Variants in PRLR observed in about 807,000 individuals in gnomAD.
The protein encoded by PRLR is hPRL receptor.
A neutral mutation model predicts 40.2 loss-of-function variants in PRLR; 13 were observed. The ratio of observed to expected loss-of-function variants is 0.32; its 90% CI spans 0.21 to 0.51. PRLR has a LOEUF of 0.51. Ranked by LOEUF, PRLR falls within the 20% of genes least tolerant of loss-of-function variation. The probability of loss-of-function intolerance (pLI) is 0.97; values close to 1 mark genes in which losing one functional copy is unlikely to be tolerated. For missense variants in PRLR, 656 were observed against 747.3 expected (o/e 0.88, Z 1.42); for synonymous variants, 269 against 278.7 (o/e 0.97, Z 0.35).
chr5:35,207,464 A>T (rs1357969407), intron 1 of PRLR, among the ~76,000 whole-genome samples: 1 of 152,178 alleles, frequency 6.6e-6, no homozygotes, highest in Non-Finnish European at 1.5e-5. Context: ...CAGGACCTAT[A>T]TGAGTAAGAC....
chr5:35,203,848 T>C (rs1775941292), intron 1 of PRLR, among the ~76,000 whole-genome samples: 1 of 151,386 alleles, frequency 6.6e-6, no homozygotes, highest in South Asian at 2.1e-4. Context: ...ACTAAATATT[T>C]AGGTAGTTGA....
chr5:35,096,275 C>T (rs1383960232), intron 2 of PRLR, among the ~76,000 whole-genome samples: 1 of 152,238 alleles, frequency 6.6e-6, no homozygotes, highest in Non-Finnish European at 1.5e-5. Context: ...ATCACATTAA[C>T]TCCACTCACT....
rs1769076436 is a variant in PRLR at position 35,062,173 on chromosome 5, G to A, written c.*2916C>T. ...TTACTTTGTATTTCTATGATGAAGA[G>A]CAATTTTTTGTTAGATTAGGATAGA... On this transcript the variant is annotated 3_prime_UTR_variant, in exon 10 of 10. Transcript: ENST00000618457. 1 of 152,146 alleles carries A rather than the reference G, an allele frequency of 6.6e-6. No individual in the cohort carries two copies. The highest frequency in any genetic ancestry group is 1.5e-5 in the Non-Finnish European group (1 of 68,040). 9.4% of individuals were successfully genotyped at this position (152,146 alleles called of 1,614,324 possible). A position where few individuals can be genotyped will look rare whatever the true frequency, so the allele number is the denominator to read the frequency against.
intron 1 of PRLR, among the ~76,000 whole-genome samples, chr5:35,145,459 ATCTT>A (rs1411109364): frequency 1.3e-5 from 2 of 152,088 alleles, no homozygotes; most frequent in African/African-American, 4.8e-5. Flanking sequence ...GATTGGATGA[ATCTT>A]TGGAGGTTGC....
chr5:35,096,889 G>A (rs1771568355), intron 2 of PRLR, among the ~76,000 whole-genome samples: 1 of 152,098 alleles, frequency 6.6e-6, no homozygotes, highest in Admixed American at 6.5e-5. Context: ...CAAAGTGCTG[G>A]GATTACAGGC....
At chr5:35,229,093 T>C (rs2111701819) in intron 1 of PRLR, among the ~76,000 whole-genome samples, 1 of 149,124 alleles carries the variant, frequency 6.7e-6, no homozygotes, top group Admixed American at 6.7e-5. Context: ...CACTTCCACC[T>C]CATTAAACAT....
At chr5:35,074,690 A>G (rs1265489840) in intron 5 of PRLR, among the ~76,000 whole-genome samples, 1 of 152,048 alleles carries the variant, frequency 6.6e-6, no homozygotes. Context: ...TAAAATTGTA[A>G]TAAACTAATG....
chr5:35,065,569 T>A lies in PRLR; in HGVS notation c.1389A>T (p.Gln463His). 6.2e-7 allele frequency: 1 copy of A among 1,614,044 alleles called. No individual in the cohort carries two copies. The highest frequency in any genetic ancestry group is 1.6e-4 in the Middle Eastern group (1 of 6,062). Reference sequence around the variant, plus strand: ...TTCCCTCTTCTCTAGACTTAATGGTTTGAGAGGATTTTAAAGCATCTTTAC... The same window carrying A: ...TTCCCTCTTCTCTAGACTTAATGGTATGAGAGGATTTTAAAGCATCTTTAC... ...EAGKDALKSS[Q>H]TIKSREEGKA... The change falls in exon 10 of 10, where the codon CAA (glutamine) becomes CAT (histidine). Residue 463 changes from glutamine (Q) to histidine (H), a missense_variant. Physicochemically the swap from Gln to His is conservative, Grantham distance 24 (BLOSUM62 0). Coordinates refer to ENST00000618457, the MANE Select transcript of PRLR (RefSeq NM_000949.7).
intron 2 of PRLR, among the ~76,000 whole-genome samples, chr5:35,094,825 T>C (rs62355481): frequency 1.6e-5 from 2 of 128,288 alleles, no homozygotes; most frequent in Admixed American, 8.0e-5. Context: ...GGAGTTGGGC[T>C]TTTTTTTTTT....
chr5:35,146,426 C>T lies in PRLR; in HGVS notation c.-105-28304G>A, dbSNP rs1482403293. Among the ~76,000 whole-genome samples, 6 of 152,184 alleles carry T rather than the reference C, an allele frequency of 3.9e-5. No individual in the cohort carries two copies. In the East Asian group the frequency reaches 5.8e-4, roughly 15 times the overall value. ...ATCACACTGGAGATTAAGTTCCTCT[C>T]GTAAAGGCCTTTACATTTTTGAGAC... On this transcript the variant is annotated intron_variant, in intron 1 of 9. Transcript: ENST00000618457.
chr5:35,052,637 A>T (rs867080526), downstream of PRLR, among the ~76,000 whole-genome samples: 3 of 152,276 alleles, frequency 2.0e-5, no homozygotes, highest in Non-Finnish European at 1.5e-5. Context: ...AAATATTACT[A>T]TAACTTTACA....
rs559878238 is a variant in PRLR, at chr5:35,205,804, C to G, written c.-106+24464G>C. The stretch of plus-strand genomic sequence containing the variant: ...ACATCAGTAGCATTCCTGTTAGAGG[C>G]TGATATTGAACTAGGACATGTCATT... On this transcript the variant is annotated intron_variant, in intron 1 of 9. Coordinates refer to ENST00000618457, the MANE Select transcript of PRLR (RefSeq NM_000949.7). Among the ~76,000 whole-genome samples the G allele has an allele frequency of 2.8e-3, 424 of 152,270 alleles. 2 individuals are homozygous for G. Among genetic ancestry groups the G allele is most frequent in the African/African-American group, 9.8e-3 (407 of 41,554 alleles).
chr5:35,175,488 G>A (rs1171847716), intron 1 of PRLR, among the ~76,000 whole-genome samples: 1 of 152,204 alleles, frequency 6.6e-6, no homozygotes, highest in East Asian at 1.9e-4. Context: ...ATGATGGGTA[G>A]ACAGATGTGT....
chr5:35,111,011 C>T (rs1772629811), intron 2 of PRLR, among the ~76,000 whole-genome samples: 1 of 152,170 alleles, frequency 6.6e-6, no homozygotes, highest in South Asian at 2.1e-4. Flanking sequence ...CCATCCCAGG[C>T]TAGTAGCTCA....
At chr5:35,213,250 T>C (rs1033298523) in intron 1 of PRLR, among the ~76,000 whole-genome samples, 4 of 152,190 alleles carry the variant, frequency 2.6e-5, no homozygotes, top group East Asian at 1.9e-4. Flanking sequence ...TGCCAAGTCT[T>C]TATATAATCG....
At position 35,102,667 on chromosome 5, in the gene PRLR, C is replaced by T. The variant is rs113439186; in HGVS notation, c.-43-13004G>A. 9.2e-5 allele frequency among the ~76,000 whole-genome samples: 14 copies of T among 151,740 alleles called. No homozygotes were observed. In the East Asian group the frequency reaches 9.7e-4, roughly 11 times the overall value. On this transcript the variant is annotated intron_variant, in intron 2 of 9. Coordinates refer to ENST00000618457, the MANE Select transcript of PRLR (RefSeq NM_000949.7). Reference sequence around the variant, plus strand: ...AAGAAATTCTCCTGTCTTAGCCTCCCGAGTAGCTGGGACTACAGGCACACA... The same window carrying T: ...AAGAAATTCTCCTGTCTTAGCCTCCTGAGTAGCTGGGACTACAGGCACACA...
chr5:35,146,947 C>CCA (rs372443633), intron 1 of PRLR, among the ~76,000 whole-genome samples: 1 of 151,752 alleles, frequency 6.6e-6, no homozygotes, highest in Non-Finnish European at 1.5e-5. Flanking sequence ...ACCCACTTCA[C>CCA]CACACACACA....
chr5:35,138,152 G>A (rs1773914559), intron 1 of PRLR, among the ~76,000 whole-genome samples: 1 of 152,170 alleles, frequency 6.6e-6, no homozygotes, highest in African/African-American at 2.4e-5. Context: ...AATTAGAAGG[G>A]CTGCATAGCT....
intron 3 of PRLR, among the ~76,000 whole-genome samples, chr5:35,088,923 T>C (rs1771029588): frequency 6.6e-6 from 1 of 152,120 alleles, no homozygotes; most frequent in Admixed American, 6.5e-5. Flanking sequence ...CAGAGAGACA[T>C]TTGAAATCAG....
Sources: gnomAD v4.1 joint callset for allele counts (sites outside exome capture counted in the v4.1 genomes callset) on GRCh38, gnomAD v4.1.1 for gene constraint, MANE v1.5 for transcripts, NCBI Gene and HGNC (gene_info 2026-07-23, HGNC 2026-07-21) for gene names.